DNAH6: variants seen among roughly 807,000 people sequenced by gnomAD.
DNAH6 encodes axonemal beta dynein heavy chain 6.
Under a neutral mutation model 491.4 loss-of-function variants are expected in DNAH6, and 340 were observed. That is an observed-to-expected ratio of 0.69 (90% CI 0.63 to 0.76). DNAH6 has a LOEUF of 0.76. Among genes scored for constraint, DNAH6 ranks in the 30% least tolerant of loss-of-function variants. The pLI, the probability that DNAH6 is intolerant of heterozygous loss-of-function variation, is 0.00. For synonymous variants in DNAH6, 1,603 were observed against 1,686.1 expected, an observed-to-expected ratio of 0.95 and a Z score of 1.21; for missense variants, 4,443 against 4,972.2, an observed-to-expected ratio of 0.89 and a Z score of 3.20.
At chr2:84,618,609 A>G (rs372413386) in intron 23 of DNAH6, among the ~76,000 whole-genome samples, 40 of 116,510 alleles carry the variant, frequency 3.4e-4, no homozygotes, top group African/African-American at 1.7e-3. Flanking sequence ...CCGTGATTGG[A>G]AAAAAAAAAA....
At chr2:84,588,982 T>C in intron 16 of DNAH6, 28 bp downstream of exon 16, 4 of 1,529,352 alleles carry the variant, frequency 2.6e-6, no homozygotes, top group Non-Finnish European at 3.5e-6. Context: ...CCATCTGTCT[T>C]AGAAATGTGT....
At chr2:84,610,884 A>G (rs1467360936) in intron 21 of DNAH6, among the ~76,000 whole-genome samples, 1 of 152,200 alleles carries the variant, frequency 6.6e-6, no homozygotes, top group African/African-American at 2.4e-5. Flanking sequence ...GGACGTTTTC[A>G]TACAGGGTAC....
At chr2:84,595,337 T>A (rs1253100490) in intron 17 of DNAH6, among the ~76,000 whole-genome samples, 5 of 152,126 alleles carry the variant, frequency 3.3e-5, no homozygotes, top group African/African-American at 1.2e-4. Context: ...GACTACTAGG[T>A]GAGAAATTTC....
the DNAH6 span, among the ~76,000 whole-genome samples, chr2:84,495,248 C>T: frequency 6.6e-6 from 1 of 152,208 alleles, no homozygotes; most frequent in Non-Finnish European, 1.5e-5. Context: ...CTGCAACCTC[C>T]ACCTCCCGGG....
rs1573385907 is a variant in DNAH6, at chr2:84,658,484, G to A, written c.5940+10G>A. ...AGTTAACTTGGCAATGGTATGAAGA[G>A]TTTTCTTATTGCTATGAAGCTAGAA... On this transcript the variant is annotated intron_variant, in intron 36 of 76. Coordinates refer to ENST00000389394, the MANE Select transcript of DNAH6 (RefSeq NM_001370.2). 6.9e-7 allele frequency: 1 copy of A among 1,440,270 alleles called. No individual in the cohort carries two copies. The highest frequency in any genetic ancestry group is 1.5e-5 in the African/African-American group (1 of 68,624). The allele number at this position is 1,440,270 out of a possible 1,614,324, so 89.2% of individuals were successfully genotyped here. A position where few individuals can be genotyped will look rare whatever the true frequency, so the allele number is the denominator to read the frequency against.
intron 4 of DNAH6, among the ~76,000 whole-genome samples, chr2:84,541,977 G>A (rs1264727713): frequency 1.3e-5 from 2 of 152,174 alleles, no homozygotes; most frequent in South Asian, 2.1e-4. Flanking sequence ...AAGGGCTCTC[G>A]TGTGTTCAGT....
In DNAH6 at chr2:84,812,305, C is replaced by T; in HGVS notation, c.11740-36C>T. On this transcript the variant is annotated intron_variant, in intron 72 of 76. Transcript: ENST00000389394. ...TGTCACTGACACTGGATAATGACAT[C>T]TGCAAAGGCCACCAACCCCTTTTTT... The T allele has an allele frequency of 2.0e-6, 3 of 1,535,052 alleles. No individual in the cohort carries two copies. In the South Asian group the frequency reaches 3.7e-5, roughly 19 times the overall value.
rs767276571 is a variant in DNAH6 at position 84,743,771 on chromosome 2, G to A, written c.10343-1309G>A. On this transcript the variant is annotated intron_variant, in intron 62 of 76. Transcript: ENST00000389394. ...TGGGAGGCAAAGGTTGCAGTGAGCC[G>A]AGAACACGCCACTGCACTCTTGCCT... 5.9e-5 allele frequency among the ~76,000 whole-genome samples: 9 copies of A among 152,254 alleles called. No individual in the cohort carries two copies. The South Asian group carries it at 1.2e-3, about 21-fold the overall frequency.
intron 68 of DNAH6, among the ~76,000 whole-genome samples, chr2:84,795,486 AAAAG>A (rs58199683): frequency 0.22 from 33,959 of 151,828 alleles, 4,482 homozygotes; most frequent in African/African-American, 0.39. Context: ...AAACAAAACA[AAAAG>A]AAAGAGAAAG....
chr2:84,477,105 A>G, the DNAH6 span, among the ~76,000 whole-genome samples: 3 of 152,318 alleles, frequency 2.0e-5, no homozygotes, highest in Admixed American at 2.0e-4. Flanking sequence ...TGAGAGAGAA[A>G]GTGGGACCAG....
At chr2:84,718,573 A>G (rs1013517834) in intron 59 of DNAH6, among the ~76,000 whole-genome samples, 189 bp downstream of exon 59, 5 of 152,246 alleles carry the variant, frequency 3.3e-5, no homozygotes, top group African/African-American at 1.2e-4. Flanking sequence ...ACTGTAGACC[A>G]CTGCTTCTCT....
At chr2:84,613,195 C>G (rs1686504031) in intron 22 of DNAH6, among the ~76,000 whole-genome samples, 1 of 151,490 alleles carries the variant, frequency 6.6e-6, no homozygotes, top group African/African-American at 2.4e-5. Flanking sequence ...GATAAAGTGG[C>G]TTTTGAGCAG....
chr2:84,719,483 T>C (rs1368649941), intron 59 of DNAH6, among the ~76,000 whole-genome samples: 1 of 148,004 alleles, frequency 6.8e-6, no homozygotes, highest in African/African-American at 2.5e-5. Context: ...GGCAGCTCTC[T>C]TGAGTTTTTG....
intron 32 of DNAH6, among the ~76,000 whole-genome samples, chr2:84,641,296 G>C (rs554856748): frequency 6.6e-6 from 1 of 152,120 alleles, no homozygotes; most frequent in African/African-American, 2.4e-5. Flanking sequence ...GGCTCTGCAT[G>C]AATCTCCCTG....
chr2:84,674,587 G>T (rs1324521381), intron 40 of DNAH6, among the ~76,000 whole-genome samples: 1 of 152,202 alleles, frequency 6.6e-6, no homozygotes, highest in Non-Finnish European at 1.5e-5. Context: ...GATGCAAGAT[G>T]AACGCATATT....
intron 48 of DNAH6, 43 bp downstream of exon 48, chr2:84,699,777 C>G (rs932341544): frequency 1.7e-5 from 26 of 1,541,456 alleles, no homozygotes; most frequent in Non-Finnish European, 2.2e-5. Flanking sequence ...GTTGGACTTG[C>G]TTGACTTTAA....
intron 64 of DNAH6, among the ~76,000 whole-genome samples, chr2:84,773,372 A>G (rs1049301987): frequency 1.1e-4 from 16 of 152,050 alleles, no homozygotes; most frequent in African/African-American, 3.9e-4. Context: ...AGCTGCATCC[A>G]TGTTGCTGCA....
At chr2:84,777,820 C>T (rs1272293324) in intron 64 of DNAH6, 1 of 1,165,380 alleles carries the variant, frequency 8.6e-7, no homozygotes, top group Non-Finnish European at 1.3e-6. Flanking sequence ...CCACATAGGT[C>T]AAGATATCCA....
chr2:84,694,152 G>T, intron 45 of DNAH6, 97 bp from the exon 46 acceptor site: 1 of 1,056,026 alleles, frequency 9.5e-7, no homozygotes, highest in Non-Finnish European at 1.4e-6. Flanking sequence ...CAGGGAGGAG[G>T]CTCCACTGGC....
Sources: gnomAD v4.1 joint callset for allele counts (sites outside exome capture counted in the v4.1 genomes callset) on GRCh38, gnomAD v4.1.1 for gene constraint, MANE v1.5 for transcripts, NCBI Gene and HGNC (gene_info 2026-07-23, HGNC 2026-07-21) for gene names.